TTC28: variants seen among roughly 807,000 people sequenced by gnomAD.
TTC28 encodes the protein tetratricopeptide repeat domain 28.
TTC28 carries 61 observed loss-of-function variants against 198.0 expected under a neutral mutation model. That is an observed-to-expected ratio of 0.31 (90% CI 0.25 to 0.38). The LOEUF (loss-of-function observed/expected upper bound fraction) is 0.38. Ranked by LOEUF, TTC28 falls within the 10% of genes least tolerant of loss-of-function variation. TTC28 has a pLI of 1.00. For synonymous variants in TTC28, 1,171 were observed against 1,297.8 expected (o/e 0.90, Z 2.10); for missense variants, 2,678 against 3,164.0 (o/e 0.85, Z 3.69).
chr22:28,429,956 A>G (rs986113831), intron 2 of TTC28, among the ~76,000 whole-genome samples: 1 of 151,594 alleles, frequency 6.6e-6, no homozygotes, highest in African/African-American at 2.4e-5. Flanking sequence ...CTCCCACAAG[A>G]GAATGTGGGA....
intron 2 of TTC28, among the ~76,000 whole-genome samples, chr22:28,357,776 C>T (rs947284948): frequency 6.6e-6 from 1 of 152,150 alleles, no homozygotes; most frequent in Non-Finnish European, 1.5e-5. Context: ...CCATCCAATA[C>T]ACACCTTGAC....
intron 3 of TTC28, among the ~76,000 whole-genome samples, chr22:28,298,310 G>A (rs1055196469): frequency 5.3e-5 from 8 of 152,150 alleles, no homozygotes; most frequent in East Asian, 1.9e-4. Flanking sequence ...TGTTCTACAC[G>A]TATTAATTTT....
intron 5 of TTC28, among the ~76,000 whole-genome samples, chr22:28,236,193 C>A (rs529481332): frequency 6.6e-6 from 1 of 152,294 alleles, no homozygotes; most frequent in South Asian, 2.1e-4. Context: ...GTTTTTCTGC[C>A]AGCTCCAGTT....
chr22:28,593,473 G>GTAGATAGGTAGGTAGC (rs1218331110), intron 2 of TTC28, among the ~76,000 whole-genome samples: 1 of 52,356 alleles, frequency 1.9e-5, no homozygotes, highest in African/African-American at 8.3e-5. Context: ...AGGTAGCTAG[G>GTAGATAGGTAGGTAGC]TAGGTAGGTA....
intron 12 of TTC28, among the ~76,000 whole-genome samples, chr22:28,064,784 A>C (rs1940688759): frequency 1.3e-5 from 2 of 152,180 alleles, no homozygotes; most frequent in Admixed American, 1.3e-4. Context: ...ATATCAAATG[A>C]GTGAGACTAT....
At chr22:28,392,196 C>T (rs749157264) in intron 2 of TTC28, among the ~76,000 whole-genome samples, 8 of 152,190 alleles carry the variant, frequency 5.3e-5, no homozygotes, top group Non-Finnish European at 1.0e-4. Context: ...GCAGTCTGCC[C>T]GTTCTCAGAT....
intron 5 of TTC28, among the ~76,000 whole-genome samples, chr22:28,213,889 G>A (rs1289583131): frequency 6.6e-6 from 1 of 152,284 alleles, no homozygotes; most frequent in Middle Eastern, 3.4e-3. Context: ...ATAGTACAAG[G>A]CTACAGTAAT....
intron 2 of TTC28, among the ~76,000 whole-genome samples, chr22:28,321,100 T>TA (rs1361955390): frequency 2.6e-5 from 4 of 152,306 alleles, no homozygotes; most frequent in Admixed American, 6.5e-5. Context: ...ATACTGCTGG[T>TA]AAAAAATCCA....
intron 1 of TTC28, among the ~76,000 whole-genome samples, chr22:28,677,514 T>A (rs2052017885): frequency 6.6e-6 from 1 of 151,998 alleles, no homozygotes; most frequent in Non-Finnish European, 1.5e-5. Flanking sequence ...TAGCCGGGTC[T>A]AGTAACCCCA....
chr22:28,647,219 T>C (rs947777380), intron 1 of TTC28, among the ~76,000 whole-genome samples: 4 of 152,086 alleles, frequency 2.6e-5, no homozygotes, highest in Admixed American at 6.6e-5. Flanking sequence ...TCTTTCACCA[T>C]ATACAGAAAT....
At chr22:28,204,421 T>G (rs1478239760) in intron 5 of TTC28, among the ~76,000 whole-genome samples, 1 of 152,196 alleles carries the variant, frequency 6.6e-6, no homozygotes, top group Non-Finnish European at 1.5e-5. Flanking sequence ...TGCCTGGTCC[T>G]TTACATGCAG....
intron 6 of TTC28, among the ~76,000 whole-genome samples, chr22:28,119,505 T>C (rs1440692950): frequency 6.6e-6 from 1 of 152,222 alleles, no homozygotes; most frequent in East Asian, 1.9e-4. Context: ...AAGCTCTGCT[T>C]ACGTGGGGAT....
chr22:28,050,230 T>C (rs559881063), intron 12 of TTC28, among the ~76,000 whole-genome samples: 2 of 152,090 alleles, frequency 1.3e-5, no homozygotes, highest in African/African-American at 4.8e-5. Flanking sequence ...CCTGTCACCA[T>C]CCCAGCCTCT....
intron 5 of TTC28, among the ~76,000 whole-genome samples, chr22:28,290,912 TACACACACAC>T (rs141591446): frequency 6.7e-6 from 1 of 149,606 alleles, no homozygotes; most frequent in Non-Finnish European, 1.5e-5. Flanking sequence ...AAAACACACA[TACACACACAC>T]ACACACAATG....
At chr22:28,112,543 C>A (rs1942514754) in intron 6 of TTC28, among the ~76,000 whole-genome samples, 1 of 152,186 alleles carries the variant, frequency 6.6e-6, no homozygotes, top group Admixed American at 6.5e-5. Flanking sequence ...TGAGGCCGAA[C>A]TGGGAATTTT....
chr22:28,104,140 T>C (rs1015870521), intron 8 of TTC28, among the ~76,000 whole-genome samples: 1 of 152,196 alleles, frequency 6.6e-6, no homozygotes. Context: ...CTCTCTCTCC[T>C]GGCTTCCCAG....
intron 2 of TTC28, among the ~76,000 whole-genome samples, chr22:28,382,539 G>A (rs2046512188): frequency 6.6e-6 from 1 of 152,142 alleles, no homozygotes; most frequent in African/African-American, 2.4e-5. Context: ...AAATTAATCA[G>A]TTATCCAATA....
intron 2 of TTC28, among the ~76,000 whole-genome samples, chr22:28,485,401 A>G (rs2048303211): frequency 6.6e-6 from 1 of 152,162 alleles, no homozygotes; most frequent in African/African-American, 2.4e-5. Context: ...TAAATATATA[A>G]ACTGCTATCT....
chr22:27,999,998 T>G (rs1569076451), intron 15 of TTC28: 1 of 152,114 alleles, frequency 6.6e-6, no homozygotes, highest in East Asian at 1.9e-4. Flanking sequence ...TTTCCAGGTT[T>G]CTGGTTAAGC....
Sources: gnomAD v4.1 joint callset for allele counts (sites outside exome capture counted in the v4.1 genomes callset) on GRCh38, gnomAD v4.1.1 for gene constraint, MANE v1.5 for transcripts, NCBI Gene and HGNC (gene_info 2026-07-23, HGNC 2026-07-21) for gene names.